The following CCDC178 variants were observed in gnomAD, a reference collection of about 807,000 sequenced individuals.
The protein encoded by CCDC178 is coiled-coil domain-containing protein 178.
In CCDC178, 126 loss-of-function variants were observed where a neutral mutation model predicts 117.4. That is an observed-to-expected ratio of 1.07 (90% CI 0.93 to 1.24). The LOEUF (loss-of-function observed/expected upper bound fraction) is 1.24. Among genes scored for constraint, CCDC178 ranks in the 50% most tolerant of loss-of-function variants. The pLI is 0.00. For missense variants in CCDC178, 1,030 were observed against 986.9 expected (o/e 1.04, Z -0.59); for synonymous variants, 283 against 313.4 (o/e 0.90, Z 1.02).
chr18:33,113,590 T>A (rs1455901944), intron 20 of CCDC178, among the ~76,000 whole-genome samples: 4 of 151,900 alleles, frequency 2.6e-5, no homozygotes, highest in African/African-American at 9.7e-5. Flanking sequence ...AATTACTCTG[T>A]TTAGGATAAA....
At chr18:32,970,548 C>T (rs186987791) in intron 22 of CCDC178, among the ~76,000 whole-genome samples, 1 of 152,100 alleles carries the variant, frequency 6.6e-6, no homozygotes, top group East Asian at 1.9e-4. Flanking sequence ...AAACCAATAG[C>T]ATCTGGTCTG....
In CCDC178 at chr18:32,989,963, GAAATCAATTAT is replaced by G. The variant is rs554269404; in HGVS notation, c.2389-15293_2389-15283del. On this transcript the variant is annotated intron_variant, in intron 21 of 22. Coordinates refer to ENST00000383096, the MANE Select transcript of CCDC178 (RefSeq NM_001105528.4). Reference sequence around the variant, plus strand: ...AGGCTGCATGTAAGATTGATATTTAGAAATCAATTATAATTTTATTCACTGGAAATACATTG... The same window carrying G: ...AGGCTGCATGTAAGATTGATATTTAGAATTTTATTCACTGGAAATACATTG... 2.9e-3 allele frequency among the ~76,000 whole-genome samples: 442 copies of G among 152,186 alleles called. 10 individuals carry two copies. The highest frequency in any genetic ancestry group is 6.8e-4 in the Non-Finnish European group (46 of 67,954).
intron 20 of CCDC178, among the ~76,000 whole-genome samples, chr18:33,210,591 T>A (rs930752412): frequency 6.6e-6 from 1 of 152,040 alleles, no homozygotes; most frequent in African/African-American, 2.4e-5. Context: ...TGAATTCAAA[T>A]AACTAATTCT....
rs2057239703 is a variant in CCDC178, at chr18:33,078,136, A to G, written c.2388+14625T>C. 2.0e-5 allele frequency among the ~76,000 whole-genome samples: 3 copies of G among 152,194 alleles called. No individual in the cohort carries two copies. In the South Asian group the frequency reaches 6.2e-4, roughly 32 times the overall value. On this transcript the variant is annotated intron_variant, in intron 21 of 22. Coordinates refer to ENST00000383096, the MANE Select transcript of CCDC178 (RefSeq NM_001105528.4). Reference sequence around the variant, plus strand: ...GATGCAAGGTTGGTTCAACATACACAAATCAGTAAATGTGACTCATGCCAA... The same window carrying G: ...GATGCAAGGTTGGTTCAACATACACGAATCAGTAAATGTGACTCATGCCAA...
At chr18:33,352,589 C>T (rs2062992627) in intron 7 of CCDC178, among the ~76,000 whole-genome samples, 1 of 152,052 alleles carries the variant, frequency 6.6e-6, no homozygotes, top group Non-Finnish European at 1.5e-5. Context: ...TGCTGCATTT[C>T]GTAAGTTTAA....
intron 11 of CCDC178, among the ~76,000 whole-genome samples, chr18:33,298,549 T>G (rs1298783413): frequency 2.6e-5 from 4 of 152,070 alleles, no homozygotes; most frequent in South Asian, 2.1e-4. Flanking sequence ...AAGCTGAAAG[T>G]TTTTTCTATA....
At chr18:33,111,322 A>G (rs781038078) in intron 20 of CCDC178, among the ~76,000 whole-genome samples, 1 of 151,616 alleles carries the variant, frequency 6.6e-6, no homozygotes, top group Admixed American at 6.6e-5. Context: ...TGTACAAATA[A>G]TGTTCTCATA....
At chr18:33,032,365 C>T (rs182646566) in intron 21 of CCDC178, among the ~76,000 whole-genome samples, 12 of 152,108 alleles carry the variant, frequency 7.9e-5, no homozygotes, top group East Asian at 1.9e-4. Context: ...GGGTCTTACA[C>T]GATATAATTT....
At chr18:33,116,773 T>C (rs748663279) in intron 20 of CCDC178, among the ~76,000 whole-genome samples, 28 of 111,862 alleles carry the variant, frequency 2.5e-4, no homozygotes, top group Middle Eastern at 4.3e-3. Flanking sequence ...GAATCTCTTT[T>C]ACCAGGAAAA....
At chr18:33,050,800 C>T (rs1393609101) in intron 21 of CCDC178, among the ~76,000 whole-genome samples, 1 of 152,154 alleles carries the variant, frequency 6.6e-6, no homozygotes, top group African/African-American at 2.4e-5. Context: ...TTATTTTTCT[C>T]TATGCAGACC....
intron 20 of CCDC178, among the ~76,000 whole-genome samples, chr18:33,139,543 CTA>C (rs1158987932): frequency 9.9e-5 from 15 of 152,080 alleles, no homozygotes; most frequent in Admixed American, 9.8e-4. Context: ...GTGACTCTTG[CTA>C]TGTTTTAGCA....
At chr18:33,066,698 C>T (rs1354712602) in intron 21 of CCDC178, among the ~76,000 whole-genome samples, 3 of 152,000 alleles carry the variant, frequency 2.0e-5, no homozygotes, top group Non-Finnish European at 4.4e-5. Context: ...AAGCAGGAGT[C>T]GCTATACTTA....
chr18:33,279,220 C>T (rs1568111023), intron 12 of CCDC178, among the ~76,000 whole-genome samples: 1 of 152,064 alleles, frequency 6.6e-6, no homozygotes, highest in South Asian at 2.1e-4. Context: ...TGTCTCAGCC[C>T]CAAATCTCCT....
intron 15 of CCDC178, among the ~76,000 whole-genome samples, chr18:33,237,193 G>A (rs1461907288): frequency 6.6e-6 from 1 of 152,086 alleles, no homozygotes; most frequent in African/African-American, 2.4e-5. Flanking sequence ...CAAGCCCAGT[G>A]GCTACACTCT....
chr18:33,422,110 C>T (rs1169197448), intron 2 of CCDC178, among the ~76,000 whole-genome samples: 1 of 152,178 alleles, frequency 6.6e-6, no homozygotes, highest in Non-Finnish European at 1.5e-5. Flanking sequence ...GGAGCTCATA[C>T]ATCCTCTTGA....
intron 3 of CCDC178, 53 bp from the exon 4 acceptor site, chr18:33,397,261 T>A: frequency 8.9e-6 from 11 of 1,230,932 alleles, no homozygotes; most frequent in Non-Finnish European, 1.3e-5. Context: ...GAGTCAAATA[T>A]TCTGCCCTAT....
At chr18:33,357,502 A>T (rs1344285912) in intron 6 of CCDC178, among the ~76,000 whole-genome samples, 1 of 152,156 alleles carries the variant, frequency 6.6e-6, no homozygotes, top group Non-Finnish European at 1.5e-5. Flanking sequence ...TAACAGTCAG[A>T]AGTACATGAC....
intron 20 of CCDC178, among the ~76,000 whole-genome samples, chr18:33,096,691 G>A (rs1323544800): frequency 6.6e-6 from 1 of 152,042 alleles, no homozygotes; most frequent in Non-Finnish European, 1.5e-5. Context: ...CACTAACATA[G>A]CCGGTGCCTA....
At chr18:33,302,787 T>G (rs1182490063) in intron 11 of CCDC178, among the ~76,000 whole-genome samples, 1 of 152,090 alleles carries the variant, frequency 6.6e-6, no homozygotes, top group Non-Finnish European at 1.5e-5. Context: ...TTCTCACTCA[T>G]GTATGGAAGC....
Sources: gnomAD v4.1 joint callset for allele counts (sites outside exome capture counted in the v4.1 genomes callset) on GRCh38, gnomAD v4.1.1 for gene constraint, MANE v1.5 for transcripts, NCBI Gene and HGNC (gene_info 2026-07-23, HGNC 2026-07-21) for gene names.